The following B4GALNT2 variants were observed in gnomAD, a reference collection of about 807,000 sequenced individuals.
B4GALNT2 encodes N-acetylneuraminylgalactosylglucosyl-glucoside beta-1,4-N- acetylgalactosaminyltransferase 2.
Under a neutral mutation model 51.1 loss-of-function variants are expected in B4GALNT2, and 42 were observed. The observed-to-expected ratio is 0.82, with a 90% CI of 0.64 to 1.06. B4GALNT2 has a LOEUF of 1.06. Among genes scored for constraint, B4GALNT2 ranks in the 50% least tolerant of loss-of-function variants. B4GALNT2 has a pLI of 0.00. For synonymous variants in B4GALNT2, 253 were observed against 251.7 expected (o/e 1.01, Z -0.05); for missense variants, 602 against 633.6 (o/e 0.95, Z 0.54).
In B4GALNT2 at chr17:49,152,712, C is replaced by A; in HGVS notation, c.354-88C>A. 5 of 905,134 alleles carry A rather than the reference C, an allele frequency of 5.5e-6. No homozygotes were observed. The Middle Eastern group carries it at 7.0e-4, about 127-fold the overall frequency. The allele number at this position is 905,134 out of a possible 1,614,324, so 56.1% of individuals were successfully genotyped here. A position where few individuals can be genotyped will look rare whatever the true frequency, so the allele number is the denominator to read the frequency against. On this transcript the variant is annotated intron_variant, in intron 3 of 10. Transcript: ENST00000393354. ...TTTTGATTTCTCCATATTGTCAGGG[C>A]AAGGCTCTGTGCACAGGCACCACTT...
Position 49,170,821 on chromosome 17 carries a change from A to G in B4GALNT2, c.*1093A>G, listed in dbSNP as rs2042953051. 6.6e-6 allele frequency: 1 copy of G among 152,306 alleles called. No individual in the cohort carries two copies. Among genetic ancestry groups the G allele is most frequent in the Non-Finnish European group, 1.5e-5 (1 of 68,106 alleles). The allele number at this position is 152,306 out of a possible 1,614,324, so 9.4% of individuals were successfully genotyped here. A position where few individuals can be genotyped will look rare whatever the true frequency, so the allele number is the denominator to read the frequency against. Reference sequence around the variant, plus strand: ...TATTGACAGCAAGCCAGTGATAAGCATTGTTTCTATAGATTATAGATAAAC... The same window carrying G: ...TATTGACAGCAAGCCAGTGATAAGCGTTGTTTCTATAGATTATAGATAAAC... On this transcript the variant is annotated 3_prime_UTR_variant, in exon 11 of 11. Coordinates refer to ENST00000393354, the MANE Select transcript of B4GALNT2 (RefSeq NM_001159387.2).
intron 7 of B4GALNT2, among the ~76,000 whole-genome samples, chr17:49,162,524 G>A (rs942347677): frequency 6.6e-6 from 1 of 151,992 alleles, no homozygotes; most frequent in Non-Finnish European, 1.5e-5. Context: ...TATCCTTTAG[G>A]CCAGCAATTC....
At chr17:49,132,483 G>C (rs1238497943), upstream of B4GALNT2, 1 of 348,740 alleles carries the variant, frequency 2.9e-6, no homozygotes, top group African/African-American at 2.1e-5. Flanking sequence ...TGGAGGGCAC[G>C]GGGACACAGC....
At chr17:49,157,460 A>G (rs1434038964) in intron 5 of B4GALNT2, among the ~76,000 whole-genome samples, 1 of 149,628 alleles carries the variant, frequency 6.7e-6, no homozygotes, top group East Asian at 2.0e-4. Context: ...AGCTGGGACT[A>G]CAGGCATGCA....
chr17:49,131,462 G>GAAAAA (rs367790096), upstream of B4GALNT2, among the ~76,000 whole-genome samples: 5 of 100,304 alleles, frequency 5.0e-5, no homozygotes, highest in Non-Finnish European at 7.5e-5. Context: ...CCCAGACTCC[G>GAAAAA]AAAAAAAAAA....
In B4GALNT2 at chr17:49,158,622, G is replaced by A. The variant is rs569977334; in HGVS notation, c.499-415G>A. Among the ~76,000 whole-genome samples the A allele has an allele frequency of 7.1e-5, 8 of 113,178 alleles. No homozygotes were observed. The South Asian group carries it at 1.3e-3, about 18-fold the overall frequency. The allele number at this position is 113,178 out of a possible 152,430, so 74.2% of individuals were successfully genotyped here. ...ACTGCACTCCAGCCTGGGTGACAGA[G>A]CAAGACTCCATCTCAAAAAAAAAAA... is the stretch of plus-strand genomic sequence containing the variant. On this transcript the variant is annotated intron_variant, in intron 5 of 10. Coordinates refer to ENST00000393354, the MANE Select transcript of B4GALNT2 (RefSeq NM_001159387.2).
At chr17:49,125,603 C>G in the B4GALNT2 span, among the ~76,000 whole-genome samples, 2 of 151,602 alleles carry the variant, frequency 1.3e-5, no homozygotes, top group Non-Finnish European at 2.9e-5. Context: ...GCCCGGCTGC[C>G]CGTCGTCTGG....
At chr17:49,158,390 A>C (rs1476371137) in intron 5 of B4GALNT2, among the ~76,000 whole-genome samples, 1 of 152,134 alleles carries the variant, frequency 6.6e-6, no homozygotes, top group Admixed American at 6.6e-5. Flanking sequence ...TCTAGCAGGA[A>C]GGTGTGGAGT....
chr17:49,164,051 C>T (rs1232486296), intron 7 of B4GALNT2, 37 bp from the exon 8 acceptor site: 4 of 1,586,430 alleles, frequency 2.5e-6, no homozygotes, highest in Admixed American at 1.7e-5. Context: ...AAGCTTCCTA[C>T]AGGACAGAGC....
Position 49,160,614 on chromosome 17 carries a change from A to G in B4GALNT2, c.739A>G (p.Ile247Val), listed in dbSNP as rs2042854916. ...KFPVTIRHPV[I>V]PKLYDPGPER... ...TCCAGTGACCATCCGCCATCCTGTC[A>G]TACCCAAGCTATACGACCCTGGACC... Residue 247 changes from isoleucine to valine, a missense_variant, in exon 7 of 11, where the codon ATA (isoleucine) becomes GTA (valine). Transcript: ENST00000393354. 6.2e-7 allele frequency: 1 copy of G among 1,614,030 alleles called. No homozygotes were observed. The highest frequency in any genetic ancestry group is 1.3e-5 in the African/African-American group (1 of 74,908).
Position 49,164,908 on chromosome 17 carries a change from C to T in B4GALNT2, c.954+633C>T, listed in dbSNP as rs189739402. On this transcript the variant is annotated intron_variant, in intron 8 of 10. Transcript: ENST00000393354. ...ATCATGGCAGCCTCAACCTTAAAGG[C>T]TCAAGTGATTCTCTCACCTCTGCCT... 3.5e-3 allele frequency among the ~76,000 whole-genome samples: 539 copies of T among 152,154 alleles called. 7 individuals are homozygous for T. Among genetic ancestry groups the T allele is most frequent in the Admixed American group, 0.018 (268 of 15,262 alleles).
chr17:49,140,636 C>G (rs1388036683), intron 1 of B4GALNT2, among the ~76,000 whole-genome samples: 2 of 150,268 alleles, frequency 1.3e-5, no homozygotes, highest in African/African-American at 5.0e-5. Flanking sequence ...TGGTATCATG[C>G]ATTGATCACT....
chr17:49,133,172 C>A lies in B4GALNT2; in HGVS notation c.14+366C>A, dbSNP rs745491444. 1.6e-5 allele frequency: 25 copies of A among 1,518,844 alleles called. 1 individual carries two copies. In the South Asian group the frequency reaches 3.1e-4, roughly 19 times the overall value. The allele number at this position is 1,518,844 out of a possible 1,614,324, so 94.1% of individuals were successfully genotyped here. On this transcript the variant is annotated intron_variant, in intron 1 of 10. Coordinates refer to ENST00000393354, the MANE Select transcript of B4GALNT2 (RefSeq NM_001159387.2). ...TCTGCTTGGAACTCAGAGGCGCTGA[C>A]CCAGCCTGGGGCCCGTTTGCTGCCC... is the stretch of plus-strand genomic sequence containing the variant.
chr17:49,159,733 T>G (rs2042845126), intron 6 of B4GALNT2, among the ~76,000 whole-genome samples: 1 of 152,100 alleles, frequency 6.6e-6, no homozygotes, highest in Non-Finnish European at 1.5e-5. Flanking sequence ...ATCCCCACAT[T>G]GCCATTGACC....
At position 49,145,466 on chromosome 17, in the gene B4GALNT2, G is replaced by C. The variant is rs184177108; in HGVS notation, c.353+3294G>C. 1.2e-4 allele frequency among the ~76,000 whole-genome samples: 18 copies of C among 152,324 alleles called. No homozygotes were observed. In the East Asian group the frequency reaches 3.5e-3, roughly 29 times the overall value. ...ACAAACATGTTTTTAACAAAAGAAA[G>C]AGGAAATACTCATGACAATTACAGT... On this transcript the variant is annotated intron_variant, in intron 3 of 10. Transcript: ENST00000393354.
chr17:49,166,594 A>G (rs2042913697), intron 9 of B4GALNT2, among the ~76,000 whole-genome samples: 1 of 152,210 alleles, frequency 6.6e-6, no homozygotes, highest in Non-Finnish European at 1.5e-5. Context: ...ATCACACAAC[A>G]TTAAAAACAG....
intron 3 of B4GALNT2, among the ~76,000 whole-genome samples, chr17:49,151,088 T>TGTTG (rs2144306694): frequency 3.9e-3 from 1 of 258 alleles, no homozygotes; most frequent in East Asian, 0.12. Context: ...AAAAAGCTAA[T>TGTTG]CTTAGGCCGG....
In B4GALNT2 at chr17:49,152,804, G is replaced by A. The variant is rs769352483; in HGVS notation, c.358G>A (p.Gly120Arg). The change falls in exon 4 of 11, where the codon GGG becomes AGG. Residue 120 changes from glycine to arginine, a missense_variant. Transcript: ENST00000393354. ...TTTCTGTTCTCCTTCCTGCAGAGAA[G>A]GGCTGCCCCGCCCACTGCCCCTGCT... is the stretch of plus-strand genomic sequence containing the variant. ...AEFEHFQRRE[G>R]LPRPLPLLVQ... The A allele has an allele frequency of 6.9e-6, 11 of 1,596,108 alleles. No homozygotes were observed. In the East Asian group the frequency reaches 2.3e-4, roughly 33 times the overall value.
At position 49,175,681 on chromosome 17, in the gene B4GALNT2, G is replaced by T. The variant is rs2042982818; in HGVS notation, c.*5953G>T. The T allele has an allele frequency of 6.6e-6, 1 of 152,068 alleles. No homozygotes were observed. The highest frequency in any genetic ancestry group is 2.4e-5 in the African/African-American group (1 of 41,388). 9.4% of individuals were successfully genotyped at this position (152,068 alleles called of 1,614,324 possible). A position where few individuals can be genotyped will look rare whatever the true frequency, so the allele number is the denominator to read the frequency against. Reference sequence around the variant, plus strand: ...CTATAATATTTCCCTGTTGATCTGGGGGGTATATCCTAACAGGGAACTGCC... The same window carrying T: ...CTATAATATTTCCCTGTTGATCTGGTGGGTATATCCTAACAGGGAACTGCC... On this transcript the variant is annotated 3_prime_UTR_variant, in exon 11 of 11. Coordinates refer to ENST00000393354, the MANE Select transcript of B4GALNT2 (RefSeq NM_001159387.2).
Sources: gnomAD v4.1 joint callset for allele counts (sites outside exome capture counted in the v4.1 genomes callset) on GRCh38, gnomAD v4.1.1 for gene constraint, MANE v1.5 for transcripts, NCBI Gene and HGNC (gene_info 2026-07-23, HGNC 2026-07-21) for gene names.